Variants in PKNOX2 observed in about 807,000 individuals in gnomAD.
The protein encoded by PKNOX2 is homeobox protein PKNOX2.
Under a neutral mutation model 53.1 loss-of-function variants are expected in PKNOX2, and 14 were observed. The ratio of observed to expected loss-of-function variants is 0.26; its 90% CI spans 0.17 to 0.41. PKNOX2 has a LOEUF of 0.41. Ranked by LOEUF, PKNOX2 falls within the 10% of genes least tolerant of loss-of-function variation. PKNOX2 has a pLI of 1.00. For synonymous variants in PKNOX2, 257 were observed against 242.8 expected, an observed-to-expected ratio of 1.06 and a Z score of -0.54; for missense variants, 496 against 602.8, an observed-to-expected ratio of 0.82 and a Z score of 1.85.
intron 1 of PKNOX2, among the ~76,000 whole-genome samples, chr11:125,211,656 C>T (rs561262674): frequency 6.6e-6 from 1 of 152,122 alleles, no homozygotes; most frequent in Non-Finnish European, 1.5e-5. Flanking sequence ...CTGGCCCCTG[C>T]AGCTTCCAGC....
In PKNOX2 at chr11:125,181,213, C is replaced by T. The variant is rs187630642; in HGVS notation, c.-201+16437C>T. Among the ~76,000 whole-genome samples, 482 of 152,306 alleles carry T rather than the reference C, an allele frequency of 3.2e-3. 2 individuals carry two copies. Among genetic ancestry groups the T allele is most frequent in the African/African-American group, 0.011 (449 of 41,542 alleles). ...GTTTAGCAACTTGTTCAAAGCCACA[C>T]GGCTAGTAAGAGGAGAAGCCAGGAT... On this transcript the variant is annotated intron_variant, in intron 1 of 12. Coordinates refer to ENST00000298282, the MANE Select transcript of PKNOX2 (RefSeq NM_001382323.2).
At chr11:125,391,997 A>G (rs1024461895) in intron 6 of PKNOX2, among the ~76,000 whole-genome samples, 1 of 152,266 alleles carries the variant, frequency 6.6e-6, no homozygotes, top group African/African-American at 2.4e-5. Flanking sequence ...CCAAAATTGT[A>G]AACACAGGAT....
chr11:125,254,515 GC>G (rs1226632375), intron 2 of PKNOX2, among the ~76,000 whole-genome samples: 2 of 152,248 alleles, frequency 1.3e-5, no homozygotes, highest in African/African-American at 4.8e-5. Context: ...TGGGCAAGTG[GC>G]TTACCATTCT....
In PKNOX2 at chr11:125,422,753, C is replaced by T. The variant is rs1334052977; in HGVS notation, c.937-6259C>T. Among the ~76,000 whole-genome samples the T allele has an allele frequency of 1.3e-5, 2 of 152,166 alleles. No homozygotes were observed. Among genetic ancestry groups the T allele is most frequent in the African/African-American group, 4.8e-5 (2 of 41,428 alleles). On this transcript the variant is annotated intron_variant, in intron 10 of 12. Transcript: ENST00000298282. The surrounding 1 kb of genome is among the most constrained non-coding windows in gnomAD (Gnocchi z 4.1). ...CTGCAGGAGATTTACAACCTCACAG[C>T]ATTCCCCAAGAAGCTTAAGACTCAG...
chr11:125,253,480 T>A (rs1348365138), intron 2 of PKNOX2, among the ~76,000 whole-genome samples: 2 of 152,138 alleles, frequency 1.3e-5, no homozygotes, highest in Non-Finnish European at 2.9e-5. Flanking sequence ...GCTGTTCTGC[T>A]GCTCCTCATG....
Position 125,360,071 on chromosome 11 carries a change from A to G in PKNOX2, c.88-7775A>G, listed in dbSNP as rs529677099. 2.4e-4 allele frequency among the ~76,000 whole-genome samples: 37 copies of G among 151,700 alleles called. No individual in the cohort carries two copies. The South Asian group carries it at 7.3e-3, about 30-fold the overall frequency. ...TGAAGCAGGAGAATCGCCTGAATCC[A>G]GGAGGCAGAGGTTGCGGTGAGCCGA... On this transcript the variant is annotated intron_variant, in intron 4 of 12. Coordinates refer to ENST00000298282, the MANE Select transcript of PKNOX2 (RefSeq NM_001382323.2).
intron 3 of PKNOX2, among the ~76,000 whole-genome samples, chr11:125,348,928 C>G (rs919977062): frequency 1.4e-4 from 21 of 152,186 alleles, no homozygotes; most frequent in Non-Finnish European, 8.8e-5. Context: ...GACTCTGCCC[C>G]CAGGCTCCCT....
chr11:125,190,887 T>C (rs1956837880), intron 1 of PKNOX2: 1 of 152,238 alleles, frequency 6.6e-6, no homozygotes, highest in Non-Finnish European at 1.5e-5. Context: ...CATCTAATCA[T>C]GTACTGCCTC....
At chr11:125,325,413 T>C (rs1010838815) in intron 2 of PKNOX2, among the ~76,000 whole-genome samples, 11 of 152,174 alleles carry the variant, frequency 7.2e-5, no homozygotes, top group Non-Finnish European at 8.8e-5. Context: ...CTAAGGACTT[T>C]GGACTTTGTC....
chr11:125,246,342 C>T (rs530906851), intron 2 of PKNOX2, among the ~76,000 whole-genome samples: 1 of 152,208 alleles, frequency 6.6e-6, no homozygotes, highest in Non-Finnish European at 1.5e-5. Flanking sequence ...CAAACCCACT[C>T]CCGTGATAAA....
intron 1 of PKNOX2, chr11:125,191,088 T>G (rs1956848081): frequency 6.6e-6 from 1 of 152,182 alleles, no homozygotes; most frequent in Admixed American, 6.5e-5. Flanking sequence ...TTCCAGAAAT[T>G]CTTAAGAGGT....
intron 2 of PKNOX2, among the ~76,000 whole-genome samples, chr11:125,293,326 G>A (rs1356605761): frequency 6.6e-6 from 1 of 152,166 alleles, no homozygotes; most frequent in African/African-American, 2.4e-5. Context: ...TATGTGGGCA[G>A]GTGGATGACT....
chr11:125,246,548 A>G (rs539815436), intron 2 of PKNOX2, among the ~76,000 whole-genome samples: 9 of 152,284 alleles, frequency 5.9e-5, no homozygotes, highest in African/African-American at 2.2e-4. Context: ...GCAGGACCAC[A>G]GCATCTGGAG....
intron 2 of PKNOX2, among the ~76,000 whole-genome samples, chr11:125,325,489 C>T (rs1014944161): frequency 7.9e-5 from 12 of 152,158 alleles, no homozygotes; most frequent in Non-Finnish European, 1.5e-5. Context: ...CTGTATGGGG[C>T]TCAGTGGTCA....
intron 3 of PKNOX2, among the ~76,000 whole-genome samples, chr11:125,332,461 T>C (rs1161353693): frequency 6.6e-6 from 1 of 152,222 alleles, no homozygotes; most frequent in Non-Finnish European, 1.5e-5. Flanking sequence ...TTTGAATGTA[T>C]AAAGCATTTT....
At chr11:125,289,052 C>A (rs923781596) in intron 2 of PKNOX2, among the ~76,000 whole-genome samples, 1 of 152,290 alleles carries the variant, frequency 6.6e-6, no homozygotes, top group South Asian at 2.1e-4. Context: ...ATAGCAGGTG[C>A]CTTTTACCAT....
intron 2 of PKNOX2, among the ~76,000 whole-genome samples, chr11:125,322,407 C>T (rs2136067757): frequency 6.6e-6 from 1 of 152,284 alleles, no homozygotes; most frequent in South Asian, 2.1e-4. Context: ...CCCTCCACTG[C>T]CTGTCCTCTT....
At chr11:125,339,719 C>T (rs1224320404) in intron 3 of PKNOX2, among the ~76,000 whole-genome samples, 4 of 152,228 alleles carry the variant, frequency 2.6e-5, no homozygotes, top group Non-Finnish European at 4.4e-5. Flanking sequence ...GCCCCAGAGC[C>T]GCCAAGAGCA....
Position 125,189,411 on chromosome 11 carries a change from ATATGTGTGTGTGTGTG to A in PKNOX2, c.-201+24637_-201+24652del, listed in dbSNP as rs1271912938. On this transcript the variant is annotated intron_variant, in intron 1 of 12. Coordinates refer to ENST00000298282, the MANE Select transcript of PKNOX2 (RefSeq NM_001382323.2). The stretch of plus-strand genomic sequence containing the variant: ...TGTATATATATATGTGTGTATATAT[ATATGTGTGTGTGTGTG>A]TGTGTGTGTGTGTGTGTGTGTATAT... 1.5e-3 allele frequency among the ~76,000 whole-genome samples: 77 copies of A among 52,412 alleles called. 1 individual carries two copies. Among genetic ancestry groups the A allele is most frequent in the South Asian group, 5.4e-3 (8 of 1,470 alleles). 34.4% of individuals were successfully genotyped at this position (52,412 alleles called of 152,430 possible). A position where few individuals can be genotyped will look rare whatever the true frequency, so the allele number is the denominator to read the frequency against.
Sources: gnomAD v4.1 joint callset for allele counts (sites outside exome capture counted in the v4.1 genomes callset) on GRCh38, gnomAD v4.1.1 for gene constraint, Gnocchi (gnomAD v3.1) non-coding constraint, MANE v1.5 for transcripts, NCBI Gene and HGNC (gene_info 2026-07-23, HGNC 2026-07-21) for gene names.